RPTOR: variants seen among roughly 807,000 people sequenced by gnomAD.
RPTOR encodes the protein regulatory-associated protein of mTOR.
Under a neutral mutation model 169.9 loss-of-function variants are expected in RPTOR, and 21 were observed. The observed-to-expected ratio is 0.12, with a 90% CI of 0.09 to 0.18. RPTOR has a LOEUF of 0.18. Ranked by LOEUF, RPTOR falls within the 10% of genes least tolerant of loss-of-function variation. The probability of loss-of-function intolerance (pLI) is 1.00; values close to 1 mark genes in which losing one functional copy is unlikely to be tolerated. For missense variants in RPTOR, 1,133 were observed against 1,855.9 expected (o/e 0.61, Z 7.16); for synonymous variants, 732 against 753.2 (o/e 0.97, Z 0.46).
chr17:80,890,513 C>A (rs2068307876), intron 17 of RPTOR, among the ~76,000 whole-genome samples: 1 of 135,280 alleles, frequency 7.4e-6, no homozygotes, highest in Admixed American at 7.7e-5. Context: ...CACACTGGGC[C>A]ATGGCCCTTG....
chr17:80,591,082 T>C (rs1487460137), intron 1 of RPTOR, among the ~76,000 whole-genome samples: 4 of 150,918 alleles, frequency 2.7e-5, no homozygotes, highest in African/African-American at 9.8e-5. Flanking sequence ...AAGTCACCTC[T>C]TGTCAATGTG....
intron 1 of RPTOR, among the ~76,000 whole-genome samples, chr17:80,591,145 C>T (rs1302025247): frequency 9.6e-6 from 1 of 104,412 alleles, no homozygotes; most frequent in African/African-American, 3.7e-5. Context: ...CCTGCCTGCC[C>T]AGCCCCCTCC....
chr17:80,667,973 G>A (rs112092361), intron 3 of RPTOR, among the ~76,000 whole-genome samples: 1,874 of 152,298 alleles, frequency 0.012, 39 homozygotes, highest in African/African-American at 0.043. Context: ...TGGGCAGAAC[G>A]ACCTTCAGAT....
intron 2 of RPTOR, among the ~76,000 whole-genome samples, chr17:80,642,131 TTTG>T (rs564517974): frequency 1.4e-3 from 213 of 150,204 alleles, no homozygotes; most frequent in Non-Finnish European, 2.7e-3. Flanking sequence ...CAACTTCTTT[TTTG>T]TTGTTGTTGT....
Position 80,960,137 on chromosome 17 carries a change from A to G in RPTOR, c.3537A>G (p.Ser1179=). The G allele has an allele frequency of 6.2e-7, 1 of 1,613,048 alleles. No individual in the cohort carries two copies. The highest frequency in any genetic ancestry group is 1.3e-5 in the African/African-American group (1 of 74,802). ...GTCTGTCCTGTGATTCCCACCGCTC[A>G]CTCATCGTGGCTGGCCTCGGTGACG... ...VTSLSCDSHR[S]LIVAGLGDGS... is the part of the protein sequence containing the mutation. The change falls in exon 30 of 34, where the codon TCA becomes TCG. Residue 1179 remains serine (S), a synonymous_variant. Coordinates refer to ENST00000306801, the MANE Select transcript of RPTOR (RefSeq NM_020761.3). This position sits in a 1 kb window ranked among gnomAD's most constrained non-coding sequence, Gnocchi z 4.8.
At position 80,638,963 on chromosome 17, in the gene RPTOR, G is replaced by A. The variant is rs147170393; in HGVS notation, c.266-4765G>A. On this transcript the variant is annotated intron_variant, in intron 2 of 33. Transcript: ENST00000306801. Reference sequence around the variant, plus strand: ...TAGTCCCACAGACGCTGCAAGGGCCGCGGGTCCCGGCCGAAGCTTTCCTGT... The same window carrying A: ...TAGTCCCACAGACGCTGCAAGGGCCACGGGTCCCGGCCGAAGCTTTCCTGT... Among the ~76,000 whole-genome samples the A allele has an allele frequency of 7.6e-4, 116 of 152,276 alleles. 1 individual carries two copies. The highest frequency in any genetic ancestry group is 2.5e-3 in the African/African-American group (102 of 41,540).
At position 80,702,629 on chromosome 17, in the gene RPTOR, G is replaced by A. The variant is rs550254289; in HGVS notation, c.349-5212G>A. Among the ~76,000 whole-genome samples the A allele has an allele frequency of 6.4e-4, 98 of 152,278 alleles. No individual in the cohort carries two copies. The South Asian group carries it at 0.019, about 29-fold the overall frequency. ...GAGGCGTATTATTAATATCTGTGGC[G>A]CCTTTCATGCTAGTCCATTAATGTG... On this transcript the variant is annotated intron_variant, in intron 3 of 33. Coordinates refer to ENST00000306801, the MANE Select transcript of RPTOR (RefSeq NM_020761.3).
At chr17:80,769,360 T>C (rs1306760558) in intron 6 of RPTOR, among the ~76,000 whole-genome samples, 1 of 152,256 alleles carries the variant, frequency 6.6e-6, no homozygotes, top group African/African-American at 2.4e-5. Context: ...GCCATTTCAG[T>C]GCACTCTGAG....
chr17:80,815,459 G>A (rs759182858), intron 7 of RPTOR, among the ~76,000 whole-genome samples: 17 of 152,212 alleles, frequency 1.1e-4, no homozygotes, highest in East Asian at 1.9e-4. Context: ...TCCCTGTACC[G>A]CGCTTTTTCC....
chr17:80,625,878 TC>T, intron 2 of RPTOR, 85 bp downstream of exon 2: 1 of 901,610 alleles, frequency 1.1e-6, no homozygotes, highest in Non-Finnish European at 1.9e-6. Flanking sequence ...TGTGGTCTGG[TC>T]CAGGGGCCCG....
chr17:80,729,694 C>G (rs1018267190), intron 4 of RPTOR, among the ~76,000 whole-genome samples: 1 of 152,216 alleles, frequency 6.6e-6, no homozygotes, highest in Non-Finnish European at 1.5e-5. Flanking sequence ...GGGACAGTGG[C>G]ATGCAAATTT....
intron 13 of RPTOR, among the ~76,000 whole-genome samples, chr17:80,869,743 C>T (rs1043220254): frequency 7.9e-5 from 12 of 152,144 alleles, no homozygotes; most frequent in Admixed American, 5.2e-4. Context: ...AAGCAAATGT[C>T]CTTTTCCTTA....
rs565709976 is a variant in RPTOR, at chr17:80,862,625, G to GC, written c.1509+4730dup. Among the ~76,000 whole-genome samples the GC allele has an allele frequency of 3.4e-5, 4 of 116,906 alleles. No homozygotes were observed. In the South Asian group the frequency reaches 7.7e-4, roughly 23 times the overall value. The allele number at this position is 116,906 out of a possible 152,430, so 76.7% of individuals were successfully genotyped here. A position where few individuals can be genotyped will look rare whatever the true frequency, so the allele number is the denominator to read the frequency against. On this transcript the variant is annotated intron_variant, in intron 13 of 33. Coordinates refer to ENST00000306801, the MANE Select transcript of RPTOR (RefSeq NM_020761.3). Reference sequence around the variant, plus strand: ...CTCCGCCCACCATGATGTCTGCTCCGCCCCCTCCTCGTGTTGCTGGTGGTC... The same window carrying GC: ...CTCCGCCCACCATGATGTCTGCTCCGCCCCCCTCCTCGTGTTGCTGGTGGTC...
At chr17:80,868,934 C>T (rs2068022024) in intron 13 of RPTOR, among the ~76,000 whole-genome samples, 2 of 152,042 alleles carry the variant, frequency 1.3e-5, no homozygotes, top group African/African-American at 4.8e-5. Flanking sequence ...TGAGCTGCTG[C>T]TGGGGGCAGG....
chr17:80,876,800 C>T (rs1467793893), intron 13 of RPTOR, among the ~76,000 whole-genome samples: 1 of 117,172 alleles, frequency 8.5e-6, no homozygotes, highest in Admixed American at 8.6e-5. Flanking sequence ...GCCCGTGCCA[C>T]ACAGGGTGTG....
At chr17:80,777,230 C>T (rs1306371147) in intron 6 of RPTOR, among the ~76,000 whole-genome samples, 1 of 148,862 alleles carries the variant, frequency 6.7e-6, no homozygotes, top group Non-Finnish European at 1.5e-5. Flanking sequence ...AGAGCAAGAC[C>T]CTCTCAAAAA....
intron 3 of RPTOR, among the ~76,000 whole-genome samples, chr17:80,669,112 C>A (rs1233163068): frequency 6.6e-6 from 1 of 152,180 alleles, no homozygotes; most frequent in Non-Finnish European, 1.5e-5. Context: ...TGGGACCTGC[C>A]CGTTCTGCTG....
intron 20 of RPTOR, among the ~76,000 whole-genome samples, chr17:80,896,499 C>CA (rs2068405476): frequency 1.1e-5 from 1 of 93,384 alleles, no homozygotes; most frequent in Non-Finnish European, 2.2e-5. Context: ...CCGACACACC[C>CA]CACGGCCGCA....
At chr17:80,857,459 C>T (rs1281742814) in intron 12 of RPTOR, among the ~76,000 whole-genome samples, 1 of 152,212 alleles carries the variant, frequency 6.6e-6, no homozygotes, top group African/African-American at 2.4e-5. Context: ...GTGCCTGATG[C>T]TCTGCTGCCA....
Sources: gnomAD v4.1 joint callset for allele counts (sites outside exome capture counted in the v4.1 genomes callset) on GRCh38, gnomAD v4.1.1 for gene constraint, Gnocchi (gnomAD v3.1) non-coding constraint, MANE v1.5 for transcripts, NCBI Gene and HGNC (gene_info 2026-07-23, HGNC 2026-07-21) for gene names.